TOM1L2: variants seen among roughly 807,000 people sequenced by gnomAD.
TOM1L2 encodes the protein target of myb1 like 2 membrane trafficking protein.
TOM1L2 carries 31 observed loss-of-function variants against 67.9 expected under a neutral mutation model. The observed-to-expected ratio is 0.46, with a 90% CI of 0.34 to 0.62. The LOEUF is 0.62. Among genes scored for constraint, TOM1L2 ranks in the 20% least tolerant of loss-of-function variants. The pLI, the probability that TOM1L2 is intolerant of heterozygous loss-of-function variation, is 0.01. For missense variants in TOM1L2, 606 were observed against 663.5 expected (o/e 0.91, Z 0.95); for synonymous variants, 256 against 254.0 (o/e 1.01, Z -0.07).
intron 1 of TOM1L2, among the ~76,000 whole-genome samples, chr17:17,949,905 C>G (rs2144883029): frequency 6.6e-6 from 1 of 152,202 alleles, no homozygotes; most frequent in African/African-American, 2.4e-5. Flanking sequence ...GAGTCTTGCT[C>G]TGTCACCCAG....
intron 1 of TOM1L2, among the ~76,000 whole-genome samples, chr17:17,917,480 T>C (rs113046680): frequency 0.065 from 4,905 of 75,190 alleles, 311 homozygotes; most frequent in African/African-American, 0.19. Context: ...TTTTTTTTTT[T>C]CAGAGACAGG....
At chr17:17,871,171 C>T (rs1233466345) in intron 7 of TOM1L2, among the ~76,000 whole-genome samples, 1 of 150,318 alleles carries the variant, frequency 6.7e-6, no homozygotes, top group Non-Finnish European at 1.5e-5. Flanking sequence ...GAGATCGAGA[C>T]CATCCTGGCT....
intron 1 of TOM1L2, among the ~76,000 whole-genome samples, chr17:17,936,548 G>C (rs996342708): frequency 2.6e-5 from 4 of 152,018 alleles, no homozygotes; most frequent in Non-Finnish European, 5.9e-5. Context: ...GTTTATCACT[G>C]CATTAATTAT....
intron 1 of TOM1L2, among the ~76,000 whole-genome samples, chr17:17,944,323 C>A (rs1052537306): frequency 6.6e-6 from 1 of 152,208 alleles, no homozygotes; most frequent in Non-Finnish European, 1.5e-5. Flanking sequence ...GCTGAGGCAG[C>A]CTTGCTGCGG....
intron 4 of TOM1L2, among the ~76,000 whole-genome samples, chr17:17,888,543 C>A (rs1467586947): frequency 6.6e-6 from 1 of 152,168 alleles, no homozygotes; most frequent in African/African-American, 2.4e-5. Context: ...GTGACAGGGT[C>A]CCCAGGGAGC....
At chr17:17,915,173 A>G (rs982213285) in intron 1 of TOM1L2, among the ~76,000 whole-genome samples, 2 of 152,214 alleles carry the variant, frequency 1.3e-5, no homozygotes, top group African/African-American at 2.4e-5. Context: ...AACTTTTATT[A>G]AAATAGTGGT....
chr17:17,922,453 C>T (rs1426078629), intron 1 of TOM1L2, among the ~76,000 whole-genome samples: 2 of 152,120 alleles, frequency 1.3e-5, no homozygotes, highest in African/African-American at 4.8e-5. Context: ...CTGGTAACAG[C>T]ATGGGGGCTG....
chr17:17,947,206 C>T (rs1006000826), intron 1 of TOM1L2, among the ~76,000 whole-genome samples: 6 of 151,514 alleles, frequency 4.0e-5, no homozygotes, highest in South Asian at 2.1e-4. Flanking sequence ...CAGTTTTATA[C>T]GGTGGGGGGG....
intron 4 of TOM1L2, among the ~76,000 whole-genome samples, chr17:17,893,346 G>T (rs911567459): frequency 6.6e-6 from 1 of 152,116 alleles, no homozygotes; most frequent in Non-Finnish European, 1.5e-5. Flanking sequence ...AAACCCGCAC[G>T]TAGCTCTAAC....
rs576401691 is a variant in TOM1L2 at position 17,874,323 on chromosome 17, T to C, written c.778-4850A>G. On this transcript the variant is annotated intron_variant, in intron 7 of 14. Coordinates refer to ENST00000379504, the MANE Select transcript of TOM1L2 (RefSeq NM_001082968.2). ...TCTTGCTCTGTCACCCAGGCTGGAG[T>C]ACGGTGGTACGATCTCAGCTCACTG... is the stretch of plus-strand genomic sequence containing the variant. Among the ~76,000 whole-genome samples the C allele has an allele frequency of 2.4e-4, 36 of 151,752 alleles. No homozygotes were observed. The South Asian group carries it at 6.9e-3, about 29-fold the overall frequency.
intron 12 of TOM1L2, 57 bp from the exon 13 acceptor site, chr17:17,851,009 C>T: frequency 6.3e-7 from 1 of 1,584,684 alleles, no homozygotes. Flanking sequence ...CGAGGGGAGA[C>T]AGAACACCGG....
chr17:17,869,634 T>A, intron 7 of TOM1L2, 161 bp from the exon 8 acceptor site: 1 of 1,400,634 alleles, frequency 7.1e-7, no homozygotes, highest in Non-Finnish European at 9.3e-7. Context: ...AGTTCCCTCT[T>A]CACTGCCTGC....
chr17:17,924,375 CTG>C (rs1568291776), intron 1 of TOM1L2, among the ~76,000 whole-genome samples: 1 of 152,070 alleles, frequency 6.6e-6, no homozygotes, highest in African/African-American at 2.4e-5. Context: ...AAAAAAAACT[CTG>C]TGACTATACT....
intron 1 of TOM1L2, among the ~76,000 whole-genome samples, chr17:17,945,551 T>G (rs1274542631): frequency 6.6e-6 from 1 of 152,190 alleles, no homozygotes; most frequent in Non-Finnish European, 1.5e-5. Flanking sequence ...GAGACCCACA[T>G]TACATAGGAT....
intron 7 of TOM1L2, among the ~76,000 whole-genome samples, chr17:17,877,269 A>G (rs1266988772): frequency 4.6e-5 from 7 of 152,148 alleles, no homozygotes; most frequent in African/African-American, 1.4e-4. Context: ...GACACCACCA[A>G]TTATCTCTCT....
At chr17:17,862,497 CCAAT>C in intron 11 of TOM1L2, 1 of 475,786 alleles carries the variant, frequency 2.1e-6, no homozygotes, top group Admixed American at 3.3e-5. Flanking sequence ...AAATCACACT[CCAAT>C]CAACCCCAAG....
intron 1 of TOM1L2, among the ~76,000 whole-genome samples, chr17:17,966,537 C>T (rs368798310): frequency 2.0e-5 from 3 of 152,310 alleles, no homozygotes; most frequent in African/African-American, 7.2e-5. Flanking sequence ...CCTACTGAAA[C>T]AGAAACTCTG....
intron 12 of TOM1L2, among the ~76,000 whole-genome samples, chr17:17,852,171 A>C (rs951640560): frequency 6.6e-6 from 1 of 152,240 alleles, no homozygotes; most frequent in Non-Finnish European, 1.5e-5. Context: ...AGACTAAAGT[A>C]AAAATAAGCA....
At chr17:17,852,230 G>C (rs138397907) in intron 12 of TOM1L2, among the ~76,000 whole-genome samples, 3 of 152,156 alleles carry the variant, frequency 2.0e-5, no homozygotes, top group Admixed American at 6.5e-5. Context: ...AAAATAACAC[G>C]ACCTTCACAA....
Sources: allele counts gnomAD v4.1 joint callset (sites outside exome capture counted in the v4.1 genomes callset), GRCh38; gene constraint gnomAD v4.1.1; transcripts MANE v1.5; gene names NCBI Gene and HGNC (gene_info 2026-07-23, HGNC 2026-07-21).